The following AMDHD1 variants were observed in gnomAD, a reference collection of about 807,000 sequenced individuals.
AMDHD1 encodes the protein probable imidazolonepropionase.
AMDHD1 carries 45 observed loss-of-function variants against 44.1 expected under a neutral mutation model. That is an observed-to-expected ratio of 1.02 (90% CI 0.80 to 1.31). AMDHD1 has a LOEUF of 1.31. AMDHD1 is among the 50% of genes most tolerant of loss of function. The probability of loss-of-function intolerance (pLI) is 0.00; values close to 1 mark genes in which losing one functional copy is unlikely to be tolerated. For synonymous variants in AMDHD1, 206 were observed against 205.0 expected, an observed-to-expected ratio of 1.00 and a Z score of -0.04; for missense variants, 586 against 552.1, an observed-to-expected ratio of 1.06 and a Z score of -0.61.
chr12:95,952,538 T>C (rs2080529748), intron 1 of AMDHD1, among the ~76,000 whole-genome samples, 179 bp from the exon 2 acceptor site: 1 of 152,186 alleles, frequency 6.6e-6, no homozygotes, highest in Non-Finnish European at 1.5e-5. Context: ...CTAATCTGGG[T>C]CTTTTATGGT....
At chr12:95,966,203 A>G (rs748841222) in intron 7 of AMDHD1, 145 bp from the exon 8 acceptor site, 67 of 823,538 alleles carry the variant, frequency 8.1e-5, no homozygotes, top group Non-Finnish European at 1.2e-4. Context: ...ATCTTTATGT[A>G]TAAACTTAGA....
At position 95,956,944 on chromosome 12, in the gene AMDHD1, G is replaced by A. The variant is rs376830007; in HGVS notation, c.569G>A (p.Gly190Glu). 2 of 1,612,354 alleles carry A rather than the reference G, an allele frequency of 1.2e-6. No individual in the cohort carries two copies. The highest frequency in any genetic ancestry group is 1.7e-6 in the Non-Finnish European group (2 of 1,179,912). Residue 190 changes from glycine to glutamate, a missense_variant, in exon 4 of 9, where the codon GGG becomes GAG. Transcript: ENST00000266736. The part of the protein sequence containing the change: ...LDIGISATYC[G>E]AHSVPKGKTA... ...ATCGGCATCTCGGCTACCTACTGCG[G>A]GGCTCATTCAGTGCCTAAGTAATCT...
rs1356659941 is a variant in AMDHD1, at chr12:95,947,657, G to A, written c.137+4122G>A. On this transcript the variant is annotated intron_variant, in intron 1 of 8. Transcript: ENST00000266736. ...AGCCCCCCGCCCGGCCAGCCGCCCC[G>A]TCCGGGAGGTGAGGGGCGCCTCTGC... Among the ~76,000 whole-genome samples the A allele has an allele frequency of 2.6e-4, 15 of 56,832 alleles. 1 individual carries two copies. The highest frequency in any genetic ancestry group is 3.7e-4 in the Non-Finnish European group (12 of 32,144). 37.3% of individuals were successfully genotyped at this position (56,832 alleles called of 152,430 possible). A position where few individuals can be genotyped will look rare whatever the true frequency, so the allele number is the denominator to read the frequency against.
rs1451729306 is a variant in AMDHD1, at chr12:95,967,878, A to AT, written c.*35_*36insT. 2.3e-6 allele frequency: 3 copies of AT among 1,324,052 alleles called. No homozygotes were observed. The African/African-American group carries it at 4.5e-5, about 20-fold the overall frequency. 82.0% of individuals were successfully genotyped at this position (1,324,052 alleles called of 1,614,324 possible). A position where few individuals can be genotyped will look rare whatever the true frequency, so the allele number is the denominator to read the frequency against. On this transcript the variant is annotated 3_prime_UTR_variant, in exon 9 of 9. Transcript: ENST00000266736. ...AAAGAGAAGACTTTTTGACTATATGAAATAAGTCAATATAGTTATATTAAA... is the reference window on the plus strand; with the variant it reads ...AAAGAGAAGACTTTTTGACTATATGATAATAAGTCAATATAGTTATATTAAA...
intron 3 of AMDHD1, among the ~76,000 whole-genome samples, 169 bp downstream of exon 3, chr12:95,955,144 G>GC (rs1454036673): frequency 1.3e-5 from 2 of 152,072 alleles, no homozygotes; most frequent in Non-Finnish European, 2.9e-5. Flanking sequence ...ATTTATAACT[G>GC]CCCCAAATCA....
intron 6 of AMDHD1, 22 bp downstream of exon 6, chr12:95,962,501 G>C: frequency 6.6e-7 from 1 of 1,510,218 alleles, no homozygotes. Context: ...TCTCACCCCA[G>C]ACCAAGAGCT....
In AMDHD1 at chr12:95,960,516, G is replaced by T. The variant is rs1486231309; in HGVS notation, c.706G>T (p.Gly236Cys). 5.0e-6 allele frequency: 8 copies of T among 1,614,074 alleles called. No individual in the cohort carries two copies. In the South Asian group the frequency reaches 7.7e-5, roughly 16 times the overall value. Residue 236 changes from glycine (G) to cysteine (C), a missense_variant, in exon 5 of 9, where the codon GGT (glycine) becomes TGT (cysteine). Transcript: ENST00000266736. ...VDNIDVFCEK[G>C]VFDLDSTRRI... Reference sequence around the variant, plus strand: ...CAATATAGACGTATTTTGTGAGAAAGGTGTCTTTGATCTCGATTCCACCAG... The same window carrying T: ...CAATATAGACGTATTTTGTGAGAAATGTGTCTTTGATCTCGATTCCACCAG...
At chr12:95,950,631 C>G (rs918305588) in intron 1 of AMDHD1, among the ~76,000 whole-genome samples, 7 of 152,214 alleles carry the variant, frequency 4.6e-5, no homozygotes, top group Non-Finnish European at 7.3e-5. Flanking sequence ...CCTTAGGAGC[C>G]AGGCCCCTGC....
chr12:95,956,934 A>G lies in AMDHD1; in HGVS notation c.559A>G (p.Thr187Ala). Residue 187 changes from threonine to alanine, a missense_variant, in exon 4 of 9, where the codon ACC (threonine) becomes GCC (alanine). Coordinates refer to ENST00000266736, the MANE Select transcript of AMDHD1 (RefSeq NM_152435.3). ...GGAGCTGGACATCGGCATCTCGGCT[A>G]CCTACTGCGGGGCTCATTCAGTGCC... ...RRELDIGISA[T>A]YCGAHSVPKG... 1 of 1,612,470 alleles carries G rather than the reference A, an allele frequency of 6.2e-7. No individual in the cohort carries two copies. The highest frequency in any genetic ancestry group is 8.5e-7 in the Non-Finnish European group (1 of 1,179,904).
At chr12:95,961,137 T>G (rs2080579450) in intron 5 of AMDHD1, among the ~76,000 whole-genome samples, 1 of 49,174 alleles carries the variant, frequency 2.0e-5, no homozygotes, top group African/African-American at 1.3e-4. Context: ...AGAGCAAGAC[T>G]CCATCTCAAA....
chr12:95,958,149 C>G (rs35841531), intron 4 of AMDHD1, among the ~76,000 whole-genome samples: 2 of 151,818 alleles, frequency 1.3e-5, no homozygotes, highest in African/African-American at 4.8e-5. Context: ...ATGGCTAAAT[C>G]GAACTAATTA....
intron 5 of AMDHD1, among the ~76,000 whole-genome samples, chr12:95,961,809 G>A (rs1405517618): frequency 7.2e-5 from 11 of 152,218 alleles, no homozygotes; most frequent in African/African-American, 2.7e-4. Context: ...TTCTGTTTCA[G>A]AAAATGTCTG....
rs1251698926 is a variant in AMDHD1, at chr12:95,948,474, C to T, written c.138-4243C>T. ...AGCCCCTCTGCCCGGCCAGCCGCCC[C>T]GTCCGGGAGGGAGGTGGGGGTGTCA... is the stretch of plus-strand genomic sequence containing the variant. On this transcript the variant is annotated intron_variant, in intron 1 of 8. Coordinates refer to ENST00000266736, the MANE Select transcript of AMDHD1 (RefSeq NM_152435.3). Among the ~76,000 whole-genome samples the T allele has an allele frequency of 2.5e-4, 18 of 71,644 alleles. 1 individual carries two copies. Among genetic ancestry groups the T allele is most frequent in the East Asian group, 1.8e-3 (1 of 552 alleles). 47.0% of individuals were successfully genotyped at this position (71,644 alleles called of 152,430 possible).
chr12:95,962,343 C>G lies in AMDHD1; in HGVS notation c.814-12C>G. 3 of 1,609,090 alleles carry G rather than the reference C, an allele frequency of 1.9e-6. No individual in the cohort carries two copies. The Admixed American group carries it at 5.1e-5, about 27-fold the overall frequency. ...TTTGTTAAATCTTTCCCTCTCTGCC[C>G]ATTCTCCTTAGCTTGGGGCTGAACT... On this transcript the variant is annotated splice_polypyrimidine_tract_variant and intron_variant, in intron 5 of 8. Transcript: ENST00000266736.
At chr12:95,947,607 C>A (rs1335308166) in intron 1 of AMDHD1, among the ~76,000 whole-genome samples, 4 of 63,534 alleles carry the variant, frequency 6.3e-5, no homozygotes, top group African/African-American at 3.2e-4. Context: ...ACAGCCGTGC[C>A]GTCCAGGAGG....
Position 95,965,780 on chromosome 12 carries a change from G to A in AMDHD1, c.1032+1G>A. 1.3e-6 allele frequency: 2 copies of A among 1,598,030 alleles called. No homozygotes were observed. The highest frequency in any genetic ancestry group is 1.7e-6 in the Non-Finnish European group (2 of 1,170,110). ...CCCCAATGCATATTGCTTTTCAATG[G>A]TAATTATTTTTTTCATGTACCTTTC... On this transcript the variant is annotated splice_donor_variant, in intron 7 of 8. Transcript: ENST00000266736. LOFTEE classifies it high-confidence loss of function.
chr12:95,964,927 G>GAAAAAAAAAA (rs2080601230), intron 6 of AMDHD1, among the ~76,000 whole-genome samples: 8 of 9,686 alleles, frequency 8.3e-4, no homozygotes, highest in East Asian at 7.1e-3. Flanking sequence ...GATGTTTGAG[G>GAAAAAAAAAA]CAAAAAAAAA....
At chr12:95,963,643 AC>A (rs1321212973) in intron 6 of AMDHD1, among the ~76,000 whole-genome samples, 7 of 152,246 alleles carry the variant, frequency 4.6e-5, no homozygotes, top group African/African-American at 1.7e-4. Context: ...AACGTCTTAT[AC>A]ATTTCAAGTG....
chr12:95,952,134 G>T (rs2080528289), intron 1 of AMDHD1, among the ~76,000 whole-genome samples: 1 of 152,016 alleles, frequency 6.6e-6, no homozygotes, highest in Non-Finnish European at 1.5e-5. Flanking sequence ...GTTCTTGTGG[G>T]GTATCCCTCA....
Sources: allele counts gnomAD v4.1 joint callset (sites outside exome capture counted in the v4.1 genomes callset), GRCh38; gene constraint gnomAD v4.1.1; transcripts MANE v1.5; gene names NCBI Gene and HGNC (gene_info 2026-07-23, HGNC 2026-07-21).